The following YWHAQ variants were observed in gnomAD, a reference collection of about 807,000 sequenced individuals.
YWHAQ encodes the protein tyrosine 3-monooxygenase/tryptophan 5-monooxygenase activation protein theta.
In YWHAQ, 6 loss-of-function variants were observed where a neutral mutation model predicts 28.3. The observed-to-expected ratio is 0.21, with a 90% CI of 0.12 to 0.42. The LOEUF (loss-of-function observed/expected upper bound fraction) is 0.42, where lower values mean the gene tolerates loss of function less well. Among genes scored for constraint, YWHAQ ranks in the 10% least tolerant of loss-of-function variants. The pLI, the probability that YWHAQ is intolerant of heterozygous loss-of-function variation, is 1.00. For synonymous variants in YWHAQ, 143 were observed against 119.1 expected (o/e 1.20, Z -1.31); for missense variants, 201 against 305.6 (o/e 0.66, Z 2.55).
In YWHAQ at chr2:9,591,380, A is replaced by G; in HGVS notation, c.418+12T>C. The G allele has an allele frequency of 6.2e-7, 1 of 1,607,214 alleles. No individual in the cohort carries two copies. Among genetic ancestry groups the G allele is most frequent in the Non-Finnish European group, 8.5e-7 (1 of 1,175,130 alleles). ...TATATTCTACTTTTGCCCATATAAC[A>G]AATAAACTTACGTTTTCGATCATCA... On this transcript the variant is annotated intron_variant, in intron 3 of 5. Transcript: ENST00000238081.
chr2:9,597,783 G>C (rs1197227208), intron 2 of YWHAQ, among the ~76,000 whole-genome samples: 1 of 150,186 alleles, frequency 6.7e-6, no homozygotes, highest in Admixed American at 6.6e-5. Context: ...AGAGATAGAA[G>C]CAAACCTTTT....
At chr2:9,587,559 G>A in intron 4 of YWHAQ, 50 bp from the exon 5 acceptor site, 1 of 1,497,592 alleles carries the variant, frequency 6.7e-7, no homozygotes, top group Non-Finnish European at 9.1e-7. Flanking sequence ...ACGAAAACTG[G>A]TTATTCTACA....
intron 2 of YWHAQ, among the ~76,000 whole-genome samples, chr2:9,597,608 C>T (rs2125064993): frequency 7.6e-6 from 1 of 131,644 alleles, no homozygotes; most frequent in Admixed American, 8.6e-5. Flanking sequence ...GATCACCTGC[C>T]TGGGCAAAAG....
At chr2:9,602,862 AATATATATATAT>A (rs71413909) in intron 2 of YWHAQ, among the ~76,000 whole-genome samples, 393 of 20,778 alleles carry the variant, frequency 0.019, 5 homozygotes, top group East Asian at 0.026. Context: ...AAAAAAAAAA[AATATATATATAT>A]ATATATATAT....
At chr2:9,614,428 C>G (rs1296093958) in intron 2 of YWHAQ, among the ~76,000 whole-genome samples, 1 of 152,096 alleles carries the variant, frequency 6.6e-6, no homozygotes, top group Non-Finnish European at 1.5e-5. Context: ...GTTTTTTAGC[C>G]ATTAATTTGT....
At chr2:9,606,976 C>T (rs868253659) in intron 2 of YWHAQ, among the ~76,000 whole-genome samples, 35 of 151,692 alleles carry the variant, frequency 2.3e-4, no homozygotes, top group Admixed American at 2.2e-3. Flanking sequence ...CCTCCACCTC[C>T]CGGGTTCAAG....
At chr2:9,613,123 TAAG>T (rs1284085683) in intron 2 of YWHAQ, among the ~76,000 whole-genome samples, 3 of 152,198 alleles carry the variant, frequency 2.0e-5, no homozygotes, top group African/African-American at 2.4e-5. Flanking sequence ...CTTATCCTGA[TAAG>T]AAGAGGGAAA....
intron 3 of YWHAQ, 40 bp downstream of exon 3, chr2:9,591,352 T>C: frequency 6.3e-7 from 1 of 1,588,000 alleles, no homozygotes; most frequent in Non-Finnish European, 8.6e-7. Flanking sequence ...CATTTCTTTT[T>C]TTTATATTCT....
At chr2:9,627,179 A>T (rs537835157) in intron 2 of YWHAQ, among the ~76,000 whole-genome samples, 1 of 152,232 alleles carries the variant, frequency 6.6e-6, no homozygotes, top group African/African-American at 2.4e-5. Flanking sequence ...TTGTTCACAC[A>T]GTTATTTTGA....
At chr2:9,602,490 G>A (rs780008019) in intron 2 of YWHAQ, among the ~76,000 whole-genome samples, 9 of 151,552 alleles carry the variant, frequency 5.9e-5, no homozygotes, top group Non-Finnish European at 1.0e-4. Flanking sequence ...GAAACTAGTA[G>A]CTAATAATAC....
intron 2 of YWHAQ, among the ~76,000 whole-genome samples, chr2:9,607,033 C>T (rs1175594932): frequency 1.3e-5 from 2 of 149,820 alleles, no homozygotes; most frequent in South Asian, 2.1e-4. Flanking sequence ...TACACGTGCG[C>T]GACACCATAC....
Position 9,585,033 on chromosome 2 carries a change from T to A in YWHAQ, c.*253A>T. 4.2e-6 allele frequency: 2 copies of A among 480,222 alleles called. No individual in the cohort carries two copies. Among genetic ancestry groups the A allele is most frequent in the Non-Finnish European group, 7.5e-6 (2 of 265,054 alleles). The allele number at this position is 480,222 out of a possible 1,614,324, so 29.7% of individuals were successfully genotyped here. On this transcript the variant is annotated 3_prime_UTR_variant, in exon 6 of 6. Transcript: ENST00000238081. ...CATTTTTAGTCCTCTACATAAGTGTTTGGGAGTTACTTATGTTTATATGAA... is the reference window on the plus strand; with the variant it reads ...CATTTTTAGTCCTCTACATAAGTGTATGGGAGTTACTTATGTTTATATGAA...
chr2:9,607,711 C>CT (rs34963513), intron 2 of YWHAQ, among the ~76,000 whole-genome samples: 40,214 of 128,600 alleles, frequency 0.31, 6,909 homozygotes, highest in Middle Eastern at 0.38. Context: ...AATTCTTCCT[C>CT]TTTTTTTTTT....
At chr2:9,595,977 C>T (rs755969044) in intron 2 of YWHAQ, among the ~76,000 whole-genome samples, 50 of 151,814 alleles carry the variant, frequency 3.3e-4, no homozygotes, top group Non-Finnish European at 6.8e-4. Context: ...AAAAGATGAA[C>T]TAGTAATTTG....
At chr2:9,628,748 A>T (rs1424003869) in intron 2 of YWHAQ, 2 of 152,218 alleles carry the variant, frequency 1.3e-5, no homozygotes, top group Non-Finnish European at 2.9e-5. Flanking sequence ...CAGTCCAAAA[A>T]GCTTTTACAA....
intron 2 of YWHAQ, among the ~76,000 whole-genome samples, chr2:9,606,616 G>A (rs1011803195): frequency 1.8e-4 from 28 of 151,768 alleles, no homozygotes; most frequent in African/African-American, 4.3e-4. Context: ...TGCAACCTCC[G>A]CCACTCAGGT....
At chr2:9,626,772 A>T (rs564899265) in intron 2 of YWHAQ, among the ~76,000 whole-genome samples, 1 of 152,254 alleles carries the variant, frequency 6.6e-6, no homozygotes, top group East Asian at 1.9e-4. Context: ...TCTTGCCAAC[A>T]CTCAGTAAGA....
At chr2:9,595,485 A>G (rs1666550426) in intron 2 of YWHAQ, among the ~76,000 whole-genome samples, 1 of 152,076 alleles carries the variant, frequency 6.6e-6, no homozygotes, top group Admixed American at 6.6e-5. Flanking sequence ...TGGGTGGATC[A>G]CTTGAGGTCA....
chr2:9,594,535 T>C (rs1034938194), intron 2 of YWHAQ, among the ~76,000 whole-genome samples: 2 of 152,132 alleles, frequency 1.3e-5, no homozygotes, highest in Non-Finnish European at 2.9e-5. Context: ...ACATAGTATT[T>C]ATACCGAGAG....
Sources: allele counts gnomAD v4.1 joint callset (sites outside exome capture counted in the v4.1 genomes callset), GRCh38; gene constraint gnomAD v4.1.1; transcripts MANE v1.5; gene names NCBI Gene and HGNC (gene_info 2026-07-23, HGNC 2026-07-21).